The following PLEK2 variants were observed in gnomAD, a reference collection of about 807,000 sequenced individuals.
The protein encoded by PLEK2 is pleckstrin 2, also known as pleckstrin-2.
Under a neutral mutation model 43.8 loss-of-function variants are expected in PLEK2, and 29 were observed. The observed-to-expected ratio is 0.66, with a 90% CI of 0.49 to 0.90. The LOEUF (loss-of-function observed/expected upper bound fraction) is 0.90. PLEK2 is among the 40% of genes least tolerant of loss of function. The pLI is 0.00. For synonymous variants in PLEK2, 162 were observed against 173.2 expected (o/e 0.94, Z 0.51); for missense variants, 398 against 448.1 (o/e 0.89, Z 1.01).
rs771427999 is a variant in PLEK2, at chr14:67,392,669, T to C, written c.662A>G (p.Tyr221Cys). 7 of 1,613,202 alleles carry C rather than the reference T, an allele frequency of 4.3e-6. No homozygotes were observed. Among genetic ancestry groups the C allele is most frequent in the Non-Finnish European group, 5.1e-6 (6 of 1,179,438 alleles). The change falls in exon 5 of 9, where the codon TAC (tyrosine) becomes TGC (cysteine). Residue 221 changes from tyrosine (Y) to cysteine (C), a missense_variant. Transcript: ENST00000216446. Reference sequence around the variant, plus strand: ...ACCCACTCCCCAACTTACAAAAGTGTACAGGGCTGTGGAGTCATCCAGGAA... The same window carrying C: ...ACCCACTCCCCAACTTACAAAAGTGCACAGGGCTGTGGAGTCATCCAGGAA... ...EQFLDDSTAL[Y>C]TFAESYKKKI...
chr14:67,405,224 CAAAAAAAAAAAAAA>C (rs770594121), intron 1 of PLEK2, among the ~76,000 whole-genome samples: 2 of 40,482 alleles, frequency 4.9e-5, no homozygotes, highest in South Asian at 7.8e-4. Context: ...GAGTCCATCT[CAAAAAAAAAAAAAA>C]AAAAAAAAGA....
chr14:67,393,389 T>C, intron 3 of PLEK2, 148 bp from the exon 4 acceptor site: 2 of 686,866 alleles, frequency 2.9e-6, no homozygotes, highest in Non-Finnish European at 5.4e-6. Flanking sequence ...AAGCAGCCTT[T>C]TGAATGGCAA....
In PLEK2 at chr14:67,387,078, T is replaced by A; in HGVS notation, c.*251A>T. ...TTTGGTGCCCGAGGAAATGGCTGTT[T>A]GTGATGCTGGGGAAAAGTCAAGATG... On this transcript the variant is annotated 3_prime_UTR_variant, in exon 9 of 9. Coordinates refer to ENST00000216446, the MANE Select transcript of PLEK2 (RefSeq NM_016445.3). The A allele has an allele frequency of 6.3e-6, 2 of 319,104 alleles. No individual in the cohort carries two copies. Among genetic ancestry groups the A allele is most frequent in the Non-Finnish European group, 1.1e-5 (2 of 175,648 alleles). 19.8% of individuals were successfully genotyped at this position (319,104 alleles called of 1,614,324 possible).
At chr14:67,395,217 T>C (rs2085998283) in intron 3 of PLEK2, among the ~76,000 whole-genome samples, 185 bp downstream of exon 3, 1 of 151,780 alleles carries the variant, frequency 6.6e-6, no homozygotes, top group African/African-American at 2.4e-5. Context: ...GGCAGGTAGG[T>C]AGGGCCACTC....
intron 1 of PLEK2, among the ~76,000 whole-genome samples, chr14:67,408,823 T>C (rs2086098363): frequency 6.6e-6 from 1 of 152,208 alleles, no homozygotes; most frequent in African/African-American, 2.4e-5. Flanking sequence ...TTTATCACTT[T>C]ACTCTTCGGA....
chr14:67,400,115 G>A (rs1225088235), intron 1 of PLEK2, among the ~76,000 whole-genome samples: 1 of 152,192 alleles, frequency 6.6e-6, no homozygotes, highest in Non-Finnish European at 1.5e-5. Flanking sequence ...GCCAAAAGTT[G>A]TAGAAGGAAT....
chr14:67,392,428 C>G lies in PLEK2; in HGVS notation c.670-1G>C. 1 of 1,608,860 alleles carries G rather than the reference C, an allele frequency of 6.2e-7. No individual in the cohort carries two copies. The highest frequency in any genetic ancestry group is 2.2e-5 in the East Asian group (1 of 44,844). On this transcript the variant is annotated splice_acceptor_variant, in intron 5 of 8. Coordinates refer to ENST00000216446, the MANE Select transcript of PLEK2 (RefSeq NM_016445.3). LOFTEE classifies it high-confidence loss of function. ...TTATCTTCTTTTTGTAGCTCTCAGC[C>G]TAGGGGGAAGGAGGGAGCAAGGACT...
intron 1 of PLEK2, among the ~76,000 whole-genome samples, chr14:67,408,393 G>A (rs552477577): frequency 1.6e-4 from 24 of 152,002 alleles, no homozygotes; most frequent in African/African-American, 5.3e-4. Flanking sequence ...TACTTGCTAT[G>A]GGTTGAATTG....
Position 67,393,140 on chromosome 14 carries a change from A to T in PLEK2, c.481+10T>A. ...TGACTGCCCAGCCCGGCCCTGGGGG[A>T]CAGGCTCACCGAGGAAGGTCTTTTT... On this transcript the variant is annotated intron_variant, in intron 4 of 8. Transcript: ENST00000216446. 2 of 1,591,532 alleles carry T rather than the reference A, an allele frequency of 1.3e-6. No homozygotes were observed. Among genetic ancestry groups the T allele is most frequent in the Non-Finnish European group, 1.7e-6 (2 of 1,159,392 alleles).
chr14:67,409,061 A>G (rs1476782329), intron 1 of PLEK2, among the ~76,000 whole-genome samples: 2 of 151,714 alleles, frequency 1.3e-5, no homozygotes, highest in East Asian at 3.9e-4. Context: ...TAAAAAAAAA[A>G]AAAGAAATAA....
chr14:67,402,933 A>T (rs2086058265), intron 1 of PLEK2, among the ~76,000 whole-genome samples: 1 of 152,160 alleles, frequency 6.6e-6, no homozygotes, highest in Admixed American at 6.5e-5. Context: ...TTGGGTATAT[A>T]CCCAGCAGTG....
At chr14:67,396,177 T>G (rs1215133696) in intron 2 of PLEK2, among the ~76,000 whole-genome samples, 2 of 151,918 alleles carry the variant, frequency 1.3e-5, no homozygotes, top group African/African-American at 2.4e-5. Flanking sequence ...AGACGGAGTC[T>G]TGCTCTGTCG....
intron 2 of PLEK2, 93 bp from the exon 3 acceptor site, chr14:67,395,676 G>T: frequency 1.1e-6 from 1 of 948,536 alleles, no homozygotes; most frequent in Non-Finnish European, 1.6e-6. Flanking sequence ...GAATCTAGGT[G>T]ACAGTGACTG....
At chr14:67,388,162 T>C in intron 8 of PLEK2, 62 bp downstream of exon 8, 1 of 1,024,884 alleles carries the variant, frequency 9.8e-7, no homozygotes. Flanking sequence ...TAGTGGGACA[T>C]TACTGAGGTG....
intron 1 of PLEK2, among the ~76,000 whole-genome samples, chr14:67,402,148 ACAT>A (rs374558268): frequency 2.4e-4 from 37 of 152,278 alleles, no homozygotes; most frequent in African/African-American, 7.9e-4. Context: ...AACAACAACA[ACAT>A]CAACAAAAAT....
intron 1 of PLEK2, among the ~76,000 whole-genome samples, chr14:67,402,500 A>G (rs2139881411): frequency 6.6e-6 from 1 of 152,334 alleles, no homozygotes; most frequent in Admixed American, 6.5e-5. Flanking sequence ...CTGTTGTGCT[A>G]TTAAATAGTA....
At chr14:67,400,321 A>C (rs1224009987) in intron 1 of PLEK2, among the ~76,000 whole-genome samples, 1 of 152,224 alleles carries the variant, frequency 6.6e-6, no homozygotes, top group Non-Finnish European at 1.5e-5. Flanking sequence ...AGTCCAGTGG[A>C]ATTGCACATT....
intron 7 of PLEK2, 49 bp downstream of exon 7, chr14:67,390,614 T>G: frequency 7.9e-7 from 1 of 1,269,816 alleles, no homozygotes; most frequent in Admixed American, 1.7e-5. Context: ...GAGGAGTGTC[T>G]GGGGGCATCA....
chr14:67,397,746 A>C lies in PLEK2; in HGVS notation c.123T>G (p.Gly41=), dbSNP rs1595657908. 1 of 1,612,422 alleles carries C rather than the reference A, an allele frequency of 6.2e-7. No individual in the cohort carries two copies. Among genetic ancestry groups the C allele is most frequent in the Non-Finnish European group, 8.5e-7 (1 of 1,179,350 alleles). Residue 41 remains glycine, a synonymous_variant, in exon 2 of 9, where the codon GGT becomes GGG. Coordinates refer to ENST00000216446, the MANE Select transcript of PLEK2 (RefSeq NM_016445.3). ...NTLVYYKLEG[G]RRVTPPKGRI... Reference sequence around the variant, plus strand: ...GGCCCTTGGGAGGGGTCACTCTCCGACCCCCCTCAAGCTTGTAGTACACCA... The same window carrying C: ...GGCCCTTGGGAGGGGTCACTCTCCGCCCCCCCTCAAGCTTGTAGTACACCA...
Sources: allele counts gnomAD v4.1 joint callset (sites outside exome capture counted in the v4.1 genomes callset), GRCh38; gene constraint gnomAD v4.1.1; transcripts MANE v1.5; gene names NCBI Gene and HGNC (gene_info 2026-07-23, HGNC 2026-07-21).